The following SYTL5 variants were observed in gnomAD, a reference collection of about 807,000 sequenced individuals.
SYTL5 encodes the protein synaptotagmin like 5, also known as synaptotagmin-like protein 5.
A neutral mutation model predicts 55.9 loss-of-function variants in SYTL5; 34 were observed. The ratio of observed to expected loss-of-function variants is 0.61; its 90% CI spans 0.46 to 0.81. The LOEUF (loss-of-function observed/expected upper bound fraction) is 0.81, where lower values mean the gene tolerates loss of function less well. Ranked by LOEUF, SYTL5 falls within the 30% of genes least tolerant of loss-of-function variation. SYTL5 has a pLI of 0.00. For synonymous variants in SYTL5, 221 were observed against 188.7 expected (o/e 1.17, Z -1.40); for missense variants, 637 against 546.7 (o/e 1.17, Z -1.65).
the SYTL5 span, among the ~76,000 whole-genome samples, chrX:37,998,671 G>C: frequency 8.9e-6 from 1 of 112,049 alleles, no homozygotes; most frequent in African/African-American, 3.2e-5. Flanking sequence ...AGCACAGCCT[G>C]CCAGGCTGAG....
At chrX:37,894,040 C>T in the SYTL5 span, among the ~76,000 whole-genome samples, 5 of 109,981 alleles carry the variant, frequency 4.5e-5, no homozygotes, top group Non-Finnish European at 9.5e-5. Flanking sequence ...AATGATATTA[C>T]ACTATATGTC....
In SYTL5 at chrX:38,122,089, C is replaced by T; in HGVS notation, c.1715C>T (p.Thr572Ile). 1 of 1,182,559 alleles carries T rather than the reference C, an allele frequency of 8.5e-7. No homozygotes were observed. The highest frequency in any genetic ancestry group is 1.1e-6 in the Non-Finnish European group (1 of 879,515). The change falls in exon 15 of 17, where the codon ACT (threonine) becomes ATT (isoleucine). Residue 572 changes from threonine to isoleucine, a missense_variant. Thr to Ile is a moderately conservative substitution (Grantham distance 89). Transcript: ENST00000297875. ...TTGGTGGCTGACACAGGAAATAAGA[C>T]TTTTAAAAAGGGAAAGAAGAAGGAG... ...LPPEQLQGNK[T>I]FKKGKKKESP...
chrX:37,967,072 G>A, the SYTL5 span, among the ~76,000 whole-genome samples: 2 of 111,551 alleles, frequency 1.8e-5, no homozygotes, highest in Non-Finnish European at 3.8e-5. Context: ...GTTTTCTGGA[G>A]ATGGAGTCTT....
chrX:38,078,581 A>C (rs1313860298), intron 6 of SYTL5, among the ~76,000 whole-genome samples: 1 of 112,086 alleles, frequency 8.9e-6, no homozygotes, highest in African/African-American at 3.2e-5. Context: ...TTAAAGAAAA[A>C]AAAAAGGCTG....
chrX:38,119,616 T>C (rs781315324), intron 13 of SYTL5, among the ~76,000 whole-genome samples: 52 of 112,602 alleles, frequency 4.6e-4, no homozygotes, highest in Non-Finnish European at 9.0e-4. Flanking sequence ...CAGTTTTTAC[T>C]ATTACAAATA....
At chrX:37,995,285 AG>A in the SYTL5 span, among the ~76,000 whole-genome samples, 1 of 111,684 alleles carries the variant, frequency 9.0e-6, no homozygotes, top group African/African-American at 3.3e-5. Context: ...CTGAAATCAG[AG>A]GGCGGTGGCC....
At chrX:38,055,771 T>A (rs1191798635) in intron 3 of SYTL5, among the ~76,000 whole-genome samples, 1 of 112,073 alleles carries the variant, frequency 8.9e-6, no homozygotes, top group Non-Finnish European at 1.9e-5. Context: ...ACAAAAGTGA[T>A]CCTGAATAGA....
At chrX:37,906,811 A>T in the SYTL5 span, among the ~76,000 whole-genome samples, 1 of 112,102 alleles carries the variant, frequency 8.9e-6, no homozygotes, top group Non-Finnish European at 1.9e-5. Context: ...GATATGCTCC[A>T]AAGCCTATTA....
At chrX:38,107,136 A>G (rs755923637) in intron 11 of SYTL5, among the ~76,000 whole-genome samples, 1 of 111,950 alleles carries the variant, frequency 8.9e-6, no homozygotes, top group East Asian at 2.8e-4. Flanking sequence ...CAATTAAACA[A>G]CTCAAAAGGG....
the SYTL5 span, among the ~76,000 whole-genome samples, chrX:37,978,013 A>G: frequency 8.9e-6 from 1 of 111,751 alleles, no homozygotes; most frequent in Non-Finnish European, 1.9e-5. Context: ...GAAATCAAAC[A>G]TTTAAAAAAT....
intron 10 of SYTL5, among the ~76,000 whole-genome samples, chrX:38,104,042 A>G (rs1374395983): frequency 1.8e-5 from 2 of 112,321 alleles, no homozygotes; most frequent in African/African-American, 3.2e-5. Flanking sequence ...CAAATCTTGG[A>G]ATCTGATTGG....
At position 38,033,989 on chromosome X, in the gene SYTL5, G is replaced by T; in HGVS notation, c.100G>T (p.Val34Leu). The stretch of plus-strand genomic sequence containing the variant: ...AAAGAGAGATGAATATTTGAAAAAA[G>T]TGGAGGACAAGAGAATAAGGTAGTA... ...VLKRDEYLKK[V>L]EDKRIRKLKN... The change falls in exon 2 of 17, where the codon GTG becomes TTG. Residue 34 changes from valine to leucine, a missense_variant. Coordinates refer to ENST00000297875, the MANE Select transcript of SYTL5 (RefSeq NM_138780.3). 1 of 1,166,263 alleles carries T rather than the reference G, an allele frequency of 8.6e-7. No individual in the cohort carries two copies. The highest frequency in any genetic ancestry group is 1.8e-5 in the African/African-American group (1 of 56,972).
the SYTL5 span, among the ~76,000 whole-genome samples, chrX:37,996,980 A>G: frequency 8.9e-6 from 1 of 112,703 alleles, no homozygotes; most frequent in Admixed American, 9.3e-5. Context: ...TTTAAGGAAA[A>G]TTATTTTGTT....
Position 38,128,350 on chromosome X carries a change from A to C in SYTL5, c.*1620A>C, listed in dbSNP as rs1405983873. The C allele has an allele frequency of 1.8e-5, 2 of 111,695 alleles. No individual in the cohort carries two copies. The highest frequency in any genetic ancestry group is 3.8e-5 in the Non-Finnish European group (2 of 53,132). The allele number at this position is 111,695 out of a possible 1,213,427, so 9.2% of individuals were successfully genotyped here. A position where few individuals can be genotyped will look rare whatever the true frequency, so the allele number is the denominator to read the frequency against. Reference sequence around the variant, plus strand: ...TAGGTAGATAAAAGGGCTTATGTCAAGAAATTTGGAGCAGAGTCTGATTAC... The same window carrying C: ...TAGGTAGATAAAAGGGCTTATGTCACGAAATTTGGAGCAGAGTCTGATTAC... On this transcript the variant is annotated 3_prime_UTR_variant, in exon 17 of 17. Transcript: ENST00000297875.
At chrX:38,065,039 C>T (rs1394693143) in intron 3 of SYTL5, among the ~76,000 whole-genome samples, 1 of 111,149 alleles carries the variant, frequency 9.0e-6, no homozygotes, top group African/African-American at 3.3e-5. Flanking sequence ...ATCCTTTCTA[C>T]TGGTATTCGT....
At chrX:37,940,056 G>A in the SYTL5 span, among the ~76,000 whole-genome samples, 2 of 109,854 alleles carry the variant, frequency 1.8e-5, no homozygotes, top group African/African-American at 3.3e-5. Flanking sequence ...GGCAGGTCTC[G>A]AACTCTTGAC....
At chrX:38,114,669 C>CT (rs1234414750) in intron 13 of SYTL5, among the ~76,000 whole-genome samples, 1 of 111,643 alleles carries the variant, frequency 9.0e-6, no homozygotes, top group Non-Finnish European at 1.9e-5. Context: ...ACATAACATA[C>CT]TTTTTTGTGG....
chrX:38,114,483 TAGACAA>T (rs1937437745), intron 13 of SYTL5, among the ~76,000 whole-genome samples: 1 of 112,230 alleles, frequency 8.9e-6, no homozygotes, highest in South Asian at 3.7e-4. Flanking sequence ...GGTCAGTTAA[TAGACAA>T]AGTCACAGAA....
At chrX:38,112,397 A>G (rs1937379887) in intron 13 of SYTL5, among the ~76,000 whole-genome samples, 1 of 112,206 alleles carries the variant, frequency 8.9e-6, no homozygotes, top group Non-Finnish European at 1.9e-5. Context: ...GGTGGAAGCT[A>G]TCTTCCATGG....
Sources: allele counts gnomAD v4.1 joint callset (sites outside exome capture counted in the v4.1 genomes callset), GRCh38; gene constraint gnomAD v4.1.1; transcripts MANE v1.5; gene names NCBI Gene and HGNC (gene_info 2026-07-23, HGNC 2026-07-21).